The following GRIK4 variants were observed in gnomAD, a reference collection of about 807,000 sequenced individuals.
GRIK4 encodes glutamate receptor ionotropic, kainate 4.
GRIK4 carries 40 observed loss-of-function variants against 104.9 expected under a neutral mutation model. The ratio of observed to expected loss-of-function variants is 0.38; its 90% CI spans 0.30 to 0.50. The LOEUF (loss-of-function observed/expected upper bound fraction) is 0.50, where lower values mean the gene tolerates loss of function less well. Among genes scored for constraint, GRIK4 ranks in the 20% least tolerant of loss-of-function variants. The pLI is 0.93. For synonymous variants in GRIK4, 485 were observed against 524.9 expected, an observed-to-expected ratio of 0.92 and a Z score of 1.04; for missense variants, 1,047 against 1,308.1, an observed-to-expected ratio of 0.80 and a Z score of 3.08.
At chr11:120,611,732 C>T (rs976648684) in intron 1 of GRIK4, among the ~76,000 whole-genome samples, 2 of 152,194 alleles carry the variant, frequency 1.3e-5, no homozygotes, top group African/African-American at 4.8e-5. Context: ...CTCTCTCCCC[C>T]ATCTGCCTAT....
Position 120,986,158 on chromosome 11 carries a change from C to A in GRIK4, c.2769C>A (p.Pro923=). 2 of 1,545,890 alleles carry A rather than the reference C, an allele frequency of 1.3e-6. No individual in the cohort carries two copies. Among genetic ancestry groups the A allele is most frequent in the East Asian group, 2.5e-5 (1 of 40,032 alleles). Reference sequence around the variant, plus strand: ...GCTGCACGCACATCCGCGTCTGCCCCGAGTGCCGCCGCTTCCAGGGCCTGC... The same window carrying A: ...GCTGCACGCACATCCGCGTCTGCCCAGAGTGCCGCCGCTTCCAGGGCCTGC... ...ARGCTHIRVC[P]ECRRFQGLRA... The change falls in exon 21 of 21, where the codon CCC becomes CCA. Residue 923 remains proline (P), a synonymous_variant. Transcript: ENST00000527524.
intron 19 of GRIK4, among the ~76,000 whole-genome samples, chr11:120,977,852 C>A (rs1944586964): frequency 6.6e-6 from 1 of 152,292 alleles, no homozygotes; most frequent in Non-Finnish European, 1.5e-5. Context: ...TCCCAATACC[C>A]CCACCCAATA....
At chr11:120,637,142 GGAGA>G (rs142967472) in intron 1 of GRIK4, among the ~76,000 whole-genome samples, 1 of 151,488 alleles carries the variant, frequency 6.6e-6, no homozygotes, top group Non-Finnish European at 1.5e-5. Context: ...GAGGTGAGAG[GGAGA>G]GAGAGAGAGA....
chr11:120,832,258 C>T (rs1184938611), intron 7 of GRIK4, among the ~76,000 whole-genome samples: 3 of 152,188 alleles, frequency 2.0e-5, no homozygotes, highest in South Asian at 2.1e-4. Context: ...CAGTAGGCAA[C>T]GGAGACACCT....
chr11:120,908,093 G>A (rs890246131), intron 13 of GRIK4, among the ~76,000 whole-genome samples: 32 of 152,276 alleles, frequency 2.1e-4, no homozygotes, highest in African/African-American at 6.7e-4. Context: ...GCTATTGAAT[G>A]TGCTGGCTGA....
chr11:120,900,177 G>A (rs143617994), intron 12 of GRIK4, among the ~76,000 whole-genome samples: 2 of 152,312 alleles, frequency 1.3e-5, no homozygotes, highest in African/African-American at 4.8e-5. Context: ...GGAATGAGTG[G>A]GGAGGAGAGG....
chr11:120,925,850 T>C (rs1222218741), intron 13 of GRIK4, among the ~76,000 whole-genome samples: 1 of 151,800 alleles, frequency 6.6e-6, no homozygotes, highest in Non-Finnish European at 1.5e-5. Flanking sequence ...GGTGTGCGCC[T>C]GTAATCCCAG....
At chr11:120,751,563 T>TCC (rs1951552869) in intron 3 of GRIK4, among the ~76,000 whole-genome samples, 1 of 152,086 alleles carries the variant, frequency 6.6e-6, no homozygotes. Context: ...CCTGCCAGGC[T>TCC]CTGGGTGGGT....
chr11:120,897,050 C>T (rs1942601194), intron 11 of GRIK4, among the ~76,000 whole-genome samples: 1 of 152,150 alleles, frequency 6.6e-6, no homozygotes, highest in Non-Finnish European at 1.5e-5. Flanking sequence ...TGCAGTGGCT[C>T]ACGCCTGTAA....
intron 2 of GRIK4, among the ~76,000 whole-genome samples, chr11:120,657,942 T>C (rs1949739479): frequency 6.6e-6 from 1 of 152,164 alleles, no homozygotes; most frequent in Non-Finnish European, 1.5e-5. Flanking sequence ...CCAGAGAACA[T>C]CACCAGCACT....
intron 3 of GRIK4, among the ~76,000 whole-genome samples, chr11:120,729,884 T>C (rs1328449133): frequency 2.6e-5 from 4 of 152,230 alleles, no homozygotes; most frequent in Non-Finnish European, 5.9e-5. Context: ...TTGTAGTAGT[T>C]TCATAGATTG....
intron 13 of GRIK4, among the ~76,000 whole-genome samples, chr11:120,934,575 C>T (rs1257805362): frequency 4.6e-5 from 7 of 152,134 alleles, no homozygotes; most frequent in Non-Finnish European, 8.8e-5. Flanking sequence ...CTCCAGGAGG[C>T]CAAAGAGAGT....
chr11:120,763,599 C>G (rs552816638), intron 3 of GRIK4, among the ~76,000 whole-genome samples: 2 of 152,192 alleles, frequency 1.3e-5, no homozygotes, highest in Non-Finnish European at 2.9e-5. Context: ...AAATTTCCCT[C>G]TAAACATTGC....
rs745850962 is a variant in GRIK4 at position 120,819,667 on chromosome 11, C to T, written c.346-88C>T. 3.5e-5 allele frequency: 45 copies of T among 1,276,312 alleles called. No homozygotes were observed. The highest frequency in any genetic ancestry group is 8.8e-5 in the South Asian group (7 of 79,368). The allele number at this position is 1,276,312 out of a possible 1,614,324, so 79.1% of individuals were successfully genotyped here. ...GAAGGTGTTACATAAAAGAACTCAC[C>T]CTCCACAACCTCAGCTCACTCATCC... On this transcript the variant is annotated intron_variant, in intron 5 of 20. Coordinates refer to ENST00000527524, the MANE Select transcript of GRIK4 (RefSeq NM_014619.5). The surrounding 1 kb of genome is among the most constrained non-coding windows in gnomAD (Gnocchi z 4.3).
chr11:120,702,954 G>A (rs955101427), intron 3 of GRIK4, among the ~76,000 whole-genome samples: 1 of 152,190 alleles, frequency 6.6e-6, no homozygotes, highest in African/African-American at 2.4e-5. Flanking sequence ...AGTCCTTTTA[G>A]GGGAGTATTT....
chr11:120,627,997 A>G (rs965556154), intron 1 of GRIK4, among the ~76,000 whole-genome samples: 14 of 152,292 alleles, frequency 9.2e-5, no homozygotes, highest in African/African-American at 2.6e-4. Context: ...AATGCTCACT[A>G]TGAAGATGGT....
At chr11:120,929,669 G>A (rs1943438096) in intron 13 of GRIK4, among the ~76,000 whole-genome samples, 1 of 152,136 alleles carries the variant, frequency 6.6e-6, no homozygotes, top group Non-Finnish European at 1.5e-5. Flanking sequence ...TCCTTCCCGG[G>A]CTGTAATTAA....
intron 1 of GRIK4, among the ~76,000 whole-genome samples, chr11:120,593,098 G>A (rs1439371650): frequency 6.7e-6 from 1 of 150,330 alleles, no homozygotes; most frequent in African/African-American, 2.4e-5. Context: ...TGGGAGAATC[G>A]CTTGAACCCG....
chr11:120,852,633 A>G (rs1953999807), intron 8 of GRIK4, among the ~76,000 whole-genome samples: 1 of 152,158 alleles, frequency 6.6e-6, no homozygotes, highest in South Asian at 2.1e-4. Context: ...GACAGGTGTG[A>G]ATTAGCCTCC....
Sources: allele counts gnomAD v4.1 joint callset (sites outside exome capture counted in the v4.1 genomes callset), GRCh38; gene constraint gnomAD v4.1.1; non-coding constraint Gnocchi (gnomAD v3.1); transcripts MANE v1.5; gene names NCBI Gene and HGNC (gene_info 2026-07-23, HGNC 2026-07-21).